The following TANC2 variants were observed in gnomAD, a reference collection of about 807,000 sequenced individuals.
TANC2 encodes the protein tetratricopeptide repeat, ankyrin repeat and coiled-coil containing 2.
In TANC2, 26 loss-of-function variants were observed where a neutral mutation model predicts 210.5. That is an observed-to-expected ratio of 0.12 (90% confidence interval 0.09 to 0.17). The LOEUF is 0.17. Ranked by LOEUF, TANC2 falls within the 10% of genes least tolerant of loss-of-function variation. TANC2 has a pLI of 1.00. For missense variants in TANC2, 2,129 were observed against 2,608.9 expected (o/e 0.82, Z 4.01); for synonymous variants, 931 against 967.1 (o/e 0.96, Z 0.69).
rs188557730 is a variant in TANC2, at chr17:63,160,454, C to T, written c.433+9074C>T. ...TTTTGAAATTGACTTTTTAAAATTA[C>T]GTTGTATGTGTTTTTACCTTAACAA... On this transcript the variant is annotated intron_variant, in intron 5 of 27. Transcript: ENST00000689528. 2.8e-3 allele frequency among the ~76,000 whole-genome samples: 426 copies of T among 152,244 alleles called. 1 individual carries two copies. Among genetic ancestry groups the T allele is most frequent in the African/African-American group, 9.7e-3 (402 of 41,540 alleles).
chr17:63,216,158 C>T (rs549976564), intron 7 of TANC2, among the ~76,000 whole-genome samples: 2 of 152,336 alleles, frequency 1.3e-5, no homozygotes, highest in East Asian at 3.9e-4. Flanking sequence ...AAGTGATTCT[C>T]ATGCCTCAGC....
intron 9 of TANC2, among the ~76,000 whole-genome samples, chr17:63,312,905 A>G (rs1200097414): frequency 6.6e-6 from 1 of 152,114 alleles, no homozygotes; most frequent in Non-Finnish European, 1.5e-5. Flanking sequence ...TATATTTTAA[A>G]TTATTTGCAC....
Position 63,009,519 on chromosome 17 carries a change from C to G in TANC2, c.-23-18C>G. The G allele has an allele frequency of 6.3e-7, 1 of 1,576,406 alleles. No individual in the cohort carries two copies. The highest frequency in any genetic ancestry group is 8.7e-7 in the Non-Finnish European group (1 of 1,147,888). ...ATAAAGTTTTCTTAAACACATTTTCCTATATTTTCTTTTACAGTTTTGCAG... is the reference window on the plus strand; with the variant it reads ...ATAAAGTTTTCTTAAACACATTTTCGTATATTTTCTTTTACAGTTTTGCAG... On this transcript the variant is annotated intron_variant, in intron 1 of 27. Coordinates refer to ENST00000689528, the Ensembl canonical transcript of TANC2.
chr17:63,043,357 A>T lies in TANC2; in HGVS notation c.68-30586A>T, dbSNP rs370826993. The stretch of plus-strand genomic sequence containing the variant: ...ATGTTTGATTAGTATTCACACACAC[A>T]TATACGCATATAAACCCATACATAA... On this transcript the variant is annotated intron_variant, in intron 2 of 27. Transcript: ENST00000689528. Among the ~76,000 whole-genome samples, 19 of 152,212 alleles carry T rather than the reference A, an allele frequency of 1.2e-4. No homozygotes were observed. In the East Asian group the frequency reaches 3.3e-3, roughly 26 times the overall value.
intron 2 of TANC2, among the ~76,000 whole-genome samples, chr17:63,013,977 A>G (rs1181718739): frequency 6.6e-6 from 1 of 151,174 alleles, no homozygotes; most frequent in Non-Finnish European, 1.5e-5. Flanking sequence ...GACTCTTAAC[A>G]TTTTCTCTTA....
chr17:63,213,808 A>G (rs529878786), intron 7 of TANC2, among the ~76,000 whole-genome samples: 1 of 152,382 alleles, frequency 6.6e-6, no homozygotes, highest in East Asian at 1.9e-4. Context: ...TGATAACTTA[A>G]TAATGACTTG....
At chr17:63,169,228 C>T (rs2040316101) in intron 5 of TANC2, among the ~76,000 whole-genome samples, 1 of 152,184 alleles carries the variant, frequency 6.6e-6, no homozygotes, top group African/African-American at 2.4e-5. Flanking sequence ...AGCTATAGTC[C>T]TCTAATGCTC....
chr17:63,016,796 C>G (rs1419747129), intron 2 of TANC2, among the ~76,000 whole-genome samples: 1 of 151,998 alleles, frequency 6.6e-6, no homozygotes, highest in East Asian at 1.9e-4. Context: ...TGACTTTTCC[C>G]TAATGATTAG....
At chr17:63,181,196 T>TA (rs2040773443) in intron 5 of TANC2, among the ~76,000 whole-genome samples, 2 of 152,200 alleles carry the variant, frequency 1.3e-5, no homozygotes, top group Admixed American at 6.5e-5. Context: ...ACTCTTTATA[T>TA]AACTGCCCAT....
intron 11 of TANC2, among the ~76,000 whole-genome samples, chr17:63,327,619 G>A (rs1266865517): frequency 6.6e-6 from 1 of 151,984 alleles, no homozygotes; most frequent in African/African-American, 2.4e-5. Context: ...TAAATATAAA[G>A]ACATGTGTCC....
chr17:63,190,373 G>T (rs2041143074), intron 5 of TANC2, among the ~76,000 whole-genome samples: 1 of 152,048 alleles, frequency 6.6e-6, no homozygotes, highest in Non-Finnish European at 1.5e-5. Flanking sequence ...TGACCATAAT[G>T]TAAGAGTATT....
chr17:63,201,103 A>G (rs2041517669), intron 7 of TANC2, 146 bp downstream of exon 7: 2 of 646,060 alleles, frequency 3.1e-6, no homozygotes, highest in Admixed American at 3.3e-5. Context: ...GATGCTGGAG[A>G]GAGAAACCTA....
At chr17:63,075,793 A>C (rs1458633358) in intron 3 of TANC2, among the ~76,000 whole-genome samples, 1 of 152,168 alleles carries the variant, frequency 6.6e-6, no homozygotes, top group African/African-American at 2.4e-5. Context: ...TGCTAGGATT[A>C]CAGGTGTGAG....
chr17:63,059,050 A>G (rs2035904439), intron 2 of TANC2, among the ~76,000 whole-genome samples: 1 of 152,110 alleles, frequency 6.6e-6, no homozygotes, highest in Admixed American at 6.5e-5. Context: ...TTTTAATGAT[A>G]TTGATTCTTC....
At chr17:63,351,389 A>T (rs763308074) in exon 13 of TANC2, 1 of 1,609,240 alleles carries the variant, frequency 6.2e-7, no homozygotes, top group Non-Finnish European at 8.5e-7. Context: ...GGCTCAAACT[A>T]ATTGTAACAG....
intron 15 of TANC2, among the ~76,000 whole-genome samples, chr17:63,388,368 T>C (rs1160244659): frequency 6.6e-6 from 1 of 152,188 alleles, no homozygotes; most frequent in Non-Finnish European, 1.5e-5. Context: ...AAAAAAGATA[T>C]GGAAAAATAA....
intron 5 of TANC2, among the ~76,000 whole-genome samples, chr17:63,178,496 G>A (rs2040670397): frequency 6.6e-6 from 1 of 152,156 alleles, no homozygotes; most frequent in Admixed American, 6.5e-5. Context: ...GACAAATTGC[G>A]GCCCCTGCTT....
chr17:62,988,789 CAGGT>C (rs1393585769), intron 1 of TANC2, among the ~76,000 whole-genome samples: 5 of 152,160 alleles, frequency 3.3e-5, no homozygotes, highest in African/African-American at 1.2e-4. Flanking sequence ...AATCAGCACT[CAGGT>C]ATGGCTTTGA....
intron 4 of TANC2, among the ~76,000 whole-genome samples, chr17:63,146,461 G>T (rs2039466676): frequency 1.3e-5 from 2 of 151,834 alleles, no homozygotes; most frequent in Non-Finnish European, 2.9e-5. Flanking sequence ...TTATCTTCAG[G>T]TTAACTTTAC....
Sources: gnomAD v4.1 joint callset for allele counts (sites outside exome capture counted in the v4.1 genomes callset) on GRCh38, gnomAD v4.1.1 for gene constraint, MANE v1.5 for transcripts, NCBI Gene and HGNC (gene_info 2026-07-23, HGNC 2026-07-21) for gene names.